Variants in MAN1A2 observed in about 807,000 individuals in gnomAD.
MAN1A2 encodes mannosyl-oligosaccharide 1,2-alpha-mannosidase IB.
A neutral mutation model predicts 75.7 loss-of-function variants in MAN1A2; 26 were observed. The observed-to-expected ratio is 0.34, with a 90% confidence interval of 0.25 to 0.48. The LOEUF is 0.48. Ranked by LOEUF, MAN1A2 falls within the 20% of genes least tolerant of loss-of-function variation. MAN1A2 has a pLI of 0.99. For missense variants in MAN1A2, 562 were observed against 775.5 expected, an observed-to-expected ratio of 0.72 and a Z score of 3.27; for synonymous variants, 247 against 264.6, an observed-to-expected ratio of 0.93 and a Z score of 0.65.
rs1652079928 is a variant in MAN1A2 at position 117,528,428 on chromosome 1, A to G, written c.*5471A>G. On this transcript the variant is annotated 3_prime_UTR_variant, in exon 13 of 13. Transcript: ENST00000356554. Reference sequence around the variant, plus strand: ...GGTTGCTTCAGCTCGGTGTGAATGTAAGTGTGGGGATCAAACACACACACC... The same window carrying G: ...GGTTGCTTCAGCTCGGTGTGAATGTGAGTGTGGGGATCAAACACACACACC... 6.6e-6 allele frequency: 1 copy of G among 151,994 alleles called. No individual in the cohort carries two copies. Among genetic ancestry groups the G allele is most frequent in the Non-Finnish European group, 1.5e-5 (1 of 67,956 alleles). The allele number at this position is 151,994 out of a possible 1,614,324, so 9.4% of individuals were successfully genotyped here.
intron 1 of MAN1A2, among the ~76,000 whole-genome samples, chr1:117,383,817 G>GTGATCA (rs1653433794): frequency 6.6e-6 from 1 of 151,916 alleles, no homozygotes; most frequent in Admixed American, 6.6e-5. Context: ...ATTCACAGGT[G>GTGATCA]TGATCATGGT....
At chr1:117,372,958 G>GT (rs534617758) in intron 1 of MAN1A2, among the ~76,000 whole-genome samples, 97 of 152,244 alleles carry the variant, frequency 6.4e-4, no homozygotes, top group African/African-American at 2.2e-3. Context: ...AGGCATTGGA[G>GT]TTATAAATAA....
chr1:117,461,528 T>G (rs1649820906), intron 7 of MAN1A2, among the ~76,000 whole-genome samples: 1 of 152,122 alleles, frequency 6.6e-6, no homozygotes, highest in Non-Finnish European at 1.5e-5. Context: ...GTTGTATATT[T>G]CAAAATAGCT....
At chr1:117,397,645 C>CTTT (rs34594031) in intron 1 of MAN1A2, among the ~76,000 whole-genome samples, 420 of 105,832 alleles carry the variant, frequency 4.0e-3, no homozygotes, top group Non-Finnish European at 5.0e-3. Flanking sequence ...TTATAACCCC[C>CTTT]TTTTTTTTTT....
At chr1:117,418,982 C>A (rs1021713332) in intron 4 of MAN1A2, among the ~76,000 whole-genome samples, 5 of 151,956 alleles carry the variant, frequency 3.3e-5, no homozygotes, top group Non-Finnish European at 7.4e-5. Flanking sequence ...GTGATTTGTT[C>A]AGTTATGTGA....
intron 12 of MAN1A2, among the ~76,000 whole-genome samples, chr1:117,509,143 C>T (rs1020150925): frequency 6.6e-6 from 1 of 150,988 alleles, no homozygotes; most frequent in African/African-American, 2.4e-5. Context: ...AAAAAAAGAG[C>T]ACTAAGTAAA....
At chr1:117,472,331 A>G (rs1422202979) in intron 8 of MAN1A2, among the ~76,000 whole-genome samples, 2 of 152,010 alleles carry the variant, frequency 1.3e-5, no homozygotes, top group African/African-American at 4.8e-5. Context: ...ATTAGGGTAT[A>G]TATATAAATA....
At chr1:117,411,907 T>C (rs6686469) in intron 3 of MAN1A2, among the ~76,000 whole-genome samples, 92,310 of 151,524 alleles carry the variant, frequency 0.61, 28,444 homozygotes, top group Non-Finnish European at 0.65. Context: ...AGCAGTTTGT[T>C]GGTTTCTTAT....
At chr1:117,372,471 C>A (rs1049431121) in intron 1 of MAN1A2, among the ~76,000 whole-genome samples, 7 of 152,132 alleles carry the variant, frequency 4.6e-5, no homozygotes, top group African/African-American at 1.2e-4. Context: ...AGTGGTATTA[C>A]ATGAATTTAG....
At position 117,368,471 on chromosome 1, in the gene MAN1A2, T is replaced by G; in HGVS notation, c.288T>G (p.Asp96Glu). 1 of 1,610,382 alleles carries G rather than the reference T, an allele frequency of 6.2e-7. No individual in the cohort carries two copies. Among genetic ancestry groups the G allele is most frequent in the South Asian group, 1.1e-5 (1 of 90,612 alleles). Reference protein sequence around the residue: ...NPGVFLIHGPDEHRHREEEER... With the variant: ...NPGVFLIHGPEEHRHREEEER... ...GAGTCTTCCTGATCCATGGACCCGA[T>G]GAACATAGACACAGGTTTGTTTATT... is the stretch of plus-strand genomic sequence containing the variant. The change falls in exon 1 of 13, where the codon GAT (aspartate) becomes GAG (glutamate). Residue 96 changes from aspartate (D) to glutamate (E), a missense_variant. Asp to Glu is a conservative substitution (Grantham distance 45). Transcript: ENST00000356554.
At chr1:117,498,176 A>G (rs1362673911) in intron 10 of MAN1A2, among the ~76,000 whole-genome samples, 1 of 151,866 alleles carries the variant, frequency 6.6e-6, no homozygotes, top group Non-Finnish European at 1.5e-5. Context: ...TGAGTTCAAA[A>G]TAGAGGCTAA....
At chr1:117,489,215 CATTTAT>C (rs1160469211) in intron 8 of MAN1A2, among the ~76,000 whole-genome samples, 7 of 151,966 alleles carry the variant, frequency 4.6e-5, no homozygotes, top group African/African-American at 1.7e-4. Flanking sequence ...AGTTCTTTTA[CATTTAT>C]ATTTGTATAT....
chr1:117,407,076 A>G (rs903362648), intron 3 of MAN1A2, among the ~76,000 whole-genome samples: 1 of 152,080 alleles, frequency 6.6e-6, no homozygotes, highest in Non-Finnish European at 1.5e-5. Context: ...CTTAGGAAAC[A>G]TCTATTCTGC....
At chr1:117,407,432 G>A (rs140799179) in intron 3 of MAN1A2, among the ~76,000 whole-genome samples, 1 of 151,638 alleles carries the variant, frequency 6.6e-6, no homozygotes, top group Admixed American at 6.6e-5. Flanking sequence ...AGAGAAGCGT[G>A]GTAAGTAGTT....
At chr1:117,377,237 T>TTTCTA (rs1653178894) in intron 1 of MAN1A2, among the ~76,000 whole-genome samples, 1 of 152,246 alleles carries the variant, frequency 6.6e-6, no homozygotes, top group African/African-American at 2.4e-5. Context: ...TGAGGATTAT[T>TTTCTA]TTCTATTAAT....
intron 1 of MAN1A2, among the ~76,000 whole-genome samples, chr1:117,372,136 TAAATA>T (rs1184660151): frequency 2.6e-5 from 4 of 152,284 alleles, no homozygotes; most frequent in African/African-American, 9.6e-5. Context: ...TTAAAAAAAT[TAAATA>T]ATCACTTTGG....
chr1:117,495,631 G>A (rs913081952), intron 9 of MAN1A2, among the ~76,000 whole-genome samples: 1 of 151,704 alleles, frequency 6.6e-6, no homozygotes, highest in African/African-American at 2.4e-5. Flanking sequence ...GGATATGCTT[G>A]GATATCTTTT....
intron 1 of MAN1A2, among the ~76,000 whole-genome samples, chr1:117,388,948 T>C (rs1653630244): frequency 6.6e-6 from 1 of 152,202 alleles, no homozygotes; most frequent in South Asian, 2.1e-4. Context: ...ATTTCTGATA[T>C]CAACATCCTG....
chr1:117,384,907 T>C lies in MAN1A2; in HGVS notation c.302+16422T>C, dbSNP rs890196974. ...AGGGAACCAGCTGACAAAAGAAAGA[T>C]GTAATTTGCAGAGTCTAAGCCCCAG... On this transcript the variant is annotated intron_variant, in intron 1 of 12. Coordinates refer to ENST00000356554, the MANE Select transcript of MAN1A2 (RefSeq NM_006699.5). Among the ~76,000 whole-genome samples, 30 of 152,312 alleles carry C rather than the reference T, an allele frequency of 2.0e-4. 1 individual carries two copies. The highest frequency in any genetic ancestry group is 6.7e-4 in the African/African-American group (28 of 41,572).
Sources: gnomAD v4.1 joint callset for allele counts (sites outside exome capture counted in the v4.1 genomes callset) on GRCh38, gnomAD v4.1.1 for gene constraint, MANE v1.5 for transcripts, NCBI Gene and HGNC (gene_info 2026-07-23, HGNC 2026-07-21) for gene names.